The following RHPN2 variants were observed in gnomAD, a reference collection of about 807,000 sequenced individuals.
RHPN2 encodes rhophilin Rho GTPase binding protein 2, also known as rhophilin-2.
RHPN2 carries 40 observed loss-of-function variants against 79.0 expected under a neutral mutation model. That is an observed-to-expected ratio of 0.51 (90% CI 0.39 to 0.66). RHPN2 has a LOEUF of 0.66. RHPN2 is among the 30% of genes least tolerant of loss of function. The pLI is 0.00. For missense variants in RHPN2, 686 were observed against 883.5 expected (o/e 0.78, Z 2.83); for synonymous variants, 285 against 363.5 (o/e 0.78, Z 2.46).
chr19:33,060,225 C>A (rs550037483), intron 1 of RHPN2, among the ~76,000 whole-genome samples: 15 of 152,308 alleles, frequency 9.8e-5, no homozygotes, highest in African/African-American at 3.6e-4. Context: ...CGGCTCACTG[C>A]AGCCTCCATC....
chr19:32,999,948 C>T (rs1475547602), intron 9 of RHPN2, among the ~76,000 whole-genome samples: 1 of 152,158 alleles, frequency 6.6e-6, no homozygotes, highest in Admixed American at 6.6e-5. Context: ...TAGTTCACTG[C>T]CGCCTTGAAC....
chr19:33,020,892 G>A (rs1338887976), intron 4 of RHPN2, among the ~76,000 whole-genome samples: 1 of 152,182 alleles, frequency 6.6e-6, no homozygotes, highest in Non-Finnish European at 1.5e-5. Context: ...ATGTCAGGAA[G>A]CAATGCTGGC....
intron 4 of RHPN2, among the ~76,000 whole-genome samples, chr19:33,015,027 C>A (rs113188787): frequency 0.042 from 6,449 of 152,014 alleles, 438 homozygotes; most frequent in African/African-American, 0.15. Context: ...CACTGCACTC[C>A]AATCTTATGA....
intron 1 of RHPN2, among the ~76,000 whole-genome samples, chr19:33,044,822 T>A (rs954002153): frequency 1.3e-5 from 2 of 152,114 alleles, no homozygotes; most frequent in African/African-American, 2.4e-5. Context: ...TGAACCTGGG[T>A]GCTGAAGGTT....
intron 4 of RHPN2, among the ~76,000 whole-genome samples, chr19:33,015,669 G>C: frequency 6.6e-6 from 1 of 152,038 alleles, no homozygotes; most frequent in Non-Finnish European, 1.5e-5. Flanking sequence ...CAATAAAGTG[G>C]CAAAGAATTT....
intron 11 of RHPN2, among the ~76,000 whole-genome samples, chr19:32,994,806 A>G (rs533162669): frequency 1.1e-4 from 17 of 152,040 alleles, no homozygotes; most frequent in African/African-American, 3.9e-4. Flanking sequence ...TACTAAAAAT[A>G]CAAAAAATTA....
chr19:33,022,249 A>C (rs931454787), intron 3 of RHPN2, among the ~76,000 whole-genome samples: 3 of 152,110 alleles, frequency 2.0e-5, no homozygotes, highest in Non-Finnish European at 4.4e-5. Flanking sequence ...AGCCCAGCTC[A>C]GTCTCAATGC....
chr19:32,995,000 G>A (rs1459162994), intron 11 of RHPN2, among the ~76,000 whole-genome samples: 2 of 152,112 alleles, frequency 1.3e-5, no homozygotes, highest in East Asian at 3.9e-4. Flanking sequence ...AGTCATCTAT[G>A]TTTCAAGTGT....
intron 1 of RHPN2, among the ~76,000 whole-genome samples, chr19:33,044,931 G>A (rs1011878752): frequency 6.6e-6 from 1 of 152,000 alleles, no homozygotes; most frequent in Non-Finnish European, 1.5e-5. Context: ...TATCTCTAGG[G>A]CAGAGTTATA....
In RHPN2 at chr19:33,058,736, C is replaced by T. The variant is rs1045104704; in HGVS notation, c.69+6048G>A. Among the ~76,000 whole-genome samples the T allele has an allele frequency of 3.9e-5, 6 of 152,062 alleles. No individual in the cohort carries two copies. In the East Asian group the frequency reaches 7.7e-4, roughly 20 times the overall value. On this transcript the variant is annotated intron_variant, in intron 1 of 14. Transcript: ENST00000254260. ...CGGAGGTTGCAGTGAGCCAAGATCC[C>T]GCCATTCCATTCCAGCCTGGCGACA...
At chr19:33,020,634 G>C (rs1487978130) in intron 4 of RHPN2, among the ~76,000 whole-genome samples, 1 of 152,000 alleles carries the variant, frequency 6.6e-6, no homozygotes, top group Admixed American at 6.6e-5. Flanking sequence ...CAAGTAACTG[G>C]GATTACAGGT....
intron 1 of RHPN2, among the ~76,000 whole-genome samples, chr19:33,048,108 T>C (rs1397356220): frequency 1.3e-5 from 2 of 151,782 alleles, no homozygotes; most frequent in African/African-American, 2.4e-5. Context: ...CAGGCTGGAG[T>C]GCAGTGGTAC....
intron 14 of RHPN2, among the ~76,000 whole-genome samples, chr19:32,983,095 C>CACACACACACACA (rs1568307710): frequency 6.8e-6 from 1 of 147,158 alleles, no homozygotes; most frequent in South Asian, 2.2e-4. Context: ...CACACACACA[C>CACACACACACACA]TCCTGCAATG....
At chr19:32,992,862 TCATACCTGTAATCC>T (rs576503947) in intron 12 of RHPN2, among the ~76,000 whole-genome samples, 3 of 147,874 alleles carry the variant, frequency 2.0e-5, no homozygotes, top group Admixed American at 6.8e-5. Context: ...GCACAGTGGC[TCATACCTGTAATCC>T]CAGCACTCTG....
At position 33,064,782 on chromosome 19, in the gene RHPN2, A is replaced by T; in HGVS notation, c.69+2T>A. 2.5e-6 allele frequency: 1 copy of T among 401,098 alleles called. No homozygotes were observed. Among genetic ancestry groups the T allele is most frequent in the Non-Finnish European group, 3.7e-6 (1 of 268,926 alleles). The allele number at this position is 401,098 out of a possible 1,614,324, so 24.8% of individuals were successfully genotyped here. On this transcript the variant is annotated splice_donor_variant, in intron 1 of 14. Coordinates refer to ENST00000254260, the MANE Select transcript of RHPN2 (RefSeq NM_033103.5). LOFTEE classifies it high-confidence loss of function. ...CCCGCCCGCCCGCCCGAAGCCGCCC[A>T]CCTTCCGAAAGTAGCCGTCGTTCTC...
intron 5 of RHPN2, 73 bp from the exon 6 acceptor site, chr19:33,011,876 T>G: frequency 6.3e-7 from 1 of 1,599,344 alleles, no homozygotes; most frequent in Non-Finnish European, 8.6e-7. Flanking sequence ...GAAGGTGCCC[T>G]GCACATACCA....
At position 33,026,548 on chromosome 19, in the gene RHPN2, C is replaced by T. The variant is rs1454565964; in HGVS notation, c.270G>A (p.Glu90=). 26 of 1,609,190 alleles carry T rather than the reference C, an allele frequency of 1.6e-5. No homozygotes were observed. The highest frequency in any genetic ancestry group is 2.1e-5 in the Non-Finnish European group (25 of 1,179,824). ...CCACCGAGATGTTCAGCCCCTCCAG[C>T]TCTTCCTTGAGCATCTGCAGGTCTG... ...VNSDLQMLKE[E]LEGLNISVGV... is the part of the protein sequence containing the mutation. Residue 90 remains glutamate, a synonymous_variant, in exon 3 of 15, where the codon GAG becomes GAA. Transcript: ENST00000254260.
rs1293055016 is a variant in RHPN2 at position 33,019,875 on chromosome 19, CT to C, written c.390+1695del. On this transcript the variant is annotated intron_variant, in intron 4 of 14. Coordinates refer to ENST00000254260, the MANE Select transcript of RHPN2 (RefSeq NM_033103.5). ...CAATGCCTGGGCTGCATGGCGCAAA[CT>C]TGGGCCACCCTGCACCTCATCCCCT... 2.0e-5 allele frequency among the ~76,000 whole-genome samples: 3 copies of C among 152,284 alleles called. No homozygotes were observed. In the East Asian group the frequency reaches 5.8e-4, roughly 29 times the overall value.
intron 10 of RHPN2, chr19:32,996,456 A>C: frequency 3.5e-6 from 2 of 566,740 alleles, no homozygotes; most frequent in Non-Finnish European, 6.4e-6. Flanking sequence ...CCTTAAGAGA[A>C]TAACTAGTGT....
Sources: gnomAD v4.1 joint callset for allele counts (sites outside exome capture counted in the v4.1 genomes callset) on GRCh38, gnomAD v4.1.1 for gene constraint, MANE v1.5 for transcripts, NCBI Gene and HGNC (gene_info 2026-07-23, HGNC 2026-07-21) for gene names.